Variants in MRTFA observed in about 807,000 individuals in gnomAD.
The protein encoded by MRTFA is myocardin-related transcription factor A.
In MRTFA, 20 loss-of-function variants were observed where a neutral mutation model predicts 83.5. The ratio of observed to expected loss-of-function variants is 0.24; its 90% confidence interval spans 0.17 to 0.35. The LOEUF (loss-of-function observed/expected upper bound fraction) is 0.35, where lower values mean the gene tolerates loss of function less well. Among genes scored for constraint, MRTFA ranks in the 10% least tolerant of loss-of-function variants. The pLI is 1.00. For synonymous variants in MRTFA, 659 were observed against 541.2 expected (o/e 1.22, Z -3.02); for missense variants, 1,200 against 1,224.7 (o/e 0.98, Z 0.30).
intron 3 of MRTFA, among the ~76,000 whole-genome samples, chr22:40,529,379 C>T (rs546702149): frequency 6.6e-6 from 1 of 152,122 alleles, no homozygotes; most frequent in Non-Finnish European, 1.5e-5. Flanking sequence ...TGCAGTGGTG[C>T]GATCTCGGCT....
rs916306137 is a variant in MRTFA, at chr22:40,595,546, C to G, written c.-83-811G>C. Among the ~76,000 whole-genome samples, 5 of 152,106 alleles carry G rather than the reference C, an allele frequency of 3.3e-5. No homozygotes were observed. In the South Asian group the frequency reaches 1.0e-3, roughly 32 times the overall value. ...TTGAGTCCTCACAATGTGATGAGCA[C>G]TAATACCAGGTGCTGAAGAGGATTC... On this transcript the variant is annotated intron_variant, in intron 1 of 14. Coordinates refer to ENST00000355630, the MANE Select transcript of MRTFA (RefSeq NM_020831.6).
chr22:40,636,309 G>A (rs987141517), intron 1 of MRTFA, among the ~76,000 whole-genome samples, 169 bp downstream of exon 1: 1 of 152,090 alleles, frequency 6.6e-6, no homozygotes, highest in African/African-American at 2.4e-5. Flanking sequence ...CTGCGACTCC[G>A]GCCCCGAGGG....
At chr22:40,596,832 C>T (rs995505335) in intron 1 of MRTFA, among the ~76,000 whole-genome samples, 4 of 151,714 alleles carry the variant, frequency 2.6e-5, no homozygotes, top group African/African-American at 9.7e-5. Context: ...AAAAATAGCT[C>T]GGAGTGGTGG....
rs1165920847 is a variant in MRTFA, at chr22:40,586,946, C to T, written c.-22+7728G>A. 6.7e-6 allele frequency: 3 copies of T among 444,942 alleles called. No individual in the cohort carries two copies. In the Admixed American group the frequency reaches 7.6e-5, roughly 11 times the overall value. 27.6% of individuals were successfully genotyped at this position (444,942 alleles called of 1,614,324 possible). On this transcript the variant is annotated intron_variant, in intron 2 of 14. Coordinates refer to ENST00000355630, the MANE Select transcript of MRTFA (RefSeq NM_020831.6). ...CTGGTGCTGCTGCTGCTGCTGCCAC[C>T]GCCGCCGCTGCCTTATCCACCTGGA...
intron 3 of MRTFA, among the ~76,000 whole-genome samples, chr22:40,516,900 C>T (rs980076072): frequency 6.6e-5 from 10 of 151,992 alleles, no homozygotes; most frequent in African/African-American, 1.9e-4. Flanking sequence ...GAAAGAAGGT[C>T]TAGGACAACA....
At chr22:40,532,988 G>C (rs573940607) in intron 3 of MRTFA, among the ~76,000 whole-genome samples, 1 of 152,228 alleles carries the variant, frequency 6.6e-6, no homozygotes, top group Non-Finnish European at 1.5e-5. Context: ...ATTTTTAAAA[G>C]GGTTTTAAAA....
At chr22:40,545,900 A>G (rs1051963348) in intron 3 of MRTFA, among the ~76,000 whole-genome samples, 2 of 136,476 alleles carry the variant, frequency 1.5e-5, no homozygotes, top group African/African-American at 5.5e-5. Context: ...CGCCCAGCTA[A>G]TTTTTTAGTA....
chr22:40,457,430 A>G (rs1015789045), intron 4 of MRTFA, among the ~76,000 whole-genome samples: 2 of 104,536 alleles, frequency 1.9e-5, no homozygotes, highest in South Asian at 6.5e-4. Flanking sequence ...GAATGAAAGA[A>G]AGAAAGAGAA....
chr22:40,586,940 T>C (rs2056039458), intron 2 of MRTFA: 2 of 444,826 alleles, frequency 4.5e-6, no homozygotes, highest in South Asian at 1.6e-5. Context: ...CTGCTGCTGC[T>C]GCCACCGCCG....
chr22:40,523,725 C>T (rs1261087698), intron 3 of MRTFA: 1 of 152,150 alleles, frequency 6.6e-6, no homozygotes, highest in Non-Finnish European at 1.5e-5. Flanking sequence ...CCAGGTGATA[C>T]AAAGGCTGCC....
intron 1 of MRTFA, among the ~76,000 whole-genome samples, chr22:40,599,601 G>A (rs1263487745): frequency 2.0e-5 from 3 of 151,980 alleles, no homozygotes; most frequent in African/African-American, 7.2e-5. Flanking sequence ...GAATGCAAAG[G>A]ATAAAAGGAA....
intron 3 of MRTFA, among the ~76,000 whole-genome samples, chr22:40,496,224 AAC>A (rs1180461452): frequency 1.3e-5 from 2 of 152,202 alleles, no homozygotes; most frequent in African/African-American, 4.8e-5. Flanking sequence ...AAATGAAAGT[AAC>A]AGTTTCACCT....
chr22:40,452,525 C>A (rs2053512759), intron 4 of MRTFA, among the ~76,000 whole-genome samples: 1 of 152,016 alleles, frequency 6.6e-6, no homozygotes, highest in Non-Finnish European at 1.5e-5. Context: ...GAACTCATAT[C>A]AAAAAGACTA....
intron 3 of MRTFA, among the ~76,000 whole-genome samples, chr22:40,508,340 C>T (rs1042689881): frequency 7.3e-5 from 11 of 151,548 alleles, no homozygotes; most frequent in African/African-American, 1.9e-4. Flanking sequence ...TGAAACCCCA[C>T]GTCTATTAAA....
chr22:40,472,877 C>T (rs1423242939), intron 3 of MRTFA, among the ~76,000 whole-genome samples: 1 of 152,176 alleles, frequency 6.6e-6, no homozygotes, highest in Non-Finnish European at 1.5e-5. Context: ...AAATGGACCC[C>T]CAAGCTCTGG....
At chr22:40,467,664 T>A (rs2053831713) in intron 3 of MRTFA, among the ~76,000 whole-genome samples, 1 of 151,782 alleles carries the variant, frequency 6.6e-6, no homozygotes, top group Non-Finnish European at 1.5e-5. Flanking sequence ...CTGAAACAAA[T>A]GATGATTTTT....
chr22:40,606,514 G>A (rs1286937528), intron 1 of MRTFA, among the ~76,000 whole-genome samples: 5 of 152,108 alleles, frequency 3.3e-5, no homozygotes, highest in Non-Finnish European at 7.4e-5. Flanking sequence ...CTGTCTCAAG[G>A]TCACATAGCT....
intron 3 of MRTFA, among the ~76,000 whole-genome samples, chr22:40,498,291 T>A (rs1399430589): frequency 9.3e-6 from 1 of 108,080 alleles, no homozygotes; most frequent in Non-Finnish European, 2.0e-5. Flanking sequence ...TTTTTTTTTT[T>A]TTTTTTTTTT....
At position 40,535,348 on chromosome 22, in the gene MRTFA, C is replaced by CTTTTTT. The variant is rs531303160; in HGVS notation, c.241+16752_241+16757dup. On this transcript the variant is annotated intron_variant, in intron 3 of 14. Transcript: ENST00000355630. Reference sequence around the variant, plus strand: ...TAATTTGCTGTGTGAGAGGTTTTTTCTTTTTTTTTTTTTTTTTCTTTTTGA... The same window carrying CTTTTTT: ...TAATTTGCTGTGTGAGAGGTTTTTTCTTTTTTTTTTTTTTTTTTTTTTTCTTTTTGA... Among the ~76,000 whole-genome samples the CTTTTTT allele has an allele frequency of 4.2e-4, 45 of 107,134 alleles. 5 individuals carry two copies. The highest frequency in any genetic ancestry group is 9.7e-4 in the East Asian group (3 of 3,090). 70.3% of individuals were successfully genotyped at this position (107,134 alleles called of 152,430 possible).
Sources: gnomAD v4.1 joint callset for allele counts (sites outside exome capture counted in the v4.1 genomes callset) on GRCh38, gnomAD v4.1.1 for gene constraint, MANE v1.5 for transcripts, NCBI Gene and HGNC (gene_info 2026-07-23, HGNC 2026-07-21) for gene names.